Variants in EXOC4 observed in about 807,000 individuals in gnomAD.
The protein encoded by EXOC4 is exocyst complex component 4, also known as SEC8-like 1.
Under a neutral mutation model 107.2 loss-of-function variants are expected in EXOC4, and 71 were observed. The ratio of observed to expected loss-of-function variants is 0.66; its 90% CI spans 0.55 to 0.81. The LOEUF is 0.81. EXOC4 is among the 30% of genes least tolerant of loss of function. EXOC4 has a pLI of 0.00. For synonymous variants in EXOC4, 456 were observed against 441.2 expected (o/e 1.03, Z -0.42); for missense variants, 1,108 against 1,189.6 (o/e 0.93, Z 1.01).
chr7:133,833,859 C>T (rs1797863019), intron 11 of EXOC4, among the ~76,000 whole-genome samples: 1 of 152,190 alleles, frequency 6.6e-6, no homozygotes, highest in Non-Finnish European at 1.5e-5. Context: ...GTCACCGTAC[C>T]TGGCCCTTGC....
chr7:133,543,648 A>T (rs1800423964), intron 9 of EXOC4, among the ~76,000 whole-genome samples: 1 of 152,108 alleles, frequency 6.6e-6, no homozygotes, highest in African/African-American at 2.4e-5. Context: ...TTAATATTTT[A>T]GTGGCTTCTT....
intron 5 of EXOC4, among the ~76,000 whole-genome samples, chr7:133,352,181 C>T (rs1227948157): frequency 6.6e-6 from 1 of 151,758 alleles, no homozygotes; most frequent in East Asian, 1.9e-4. Context: ...CTGTATGTGT[C>T]TGTTAGATCT....
intron 10 of EXOC4, among the ~76,000 whole-genome samples, chr7:133,731,116 C>T (rs1211914523): frequency 1.3e-5 from 2 of 152,070 alleles, no homozygotes; most frequent in African/African-American, 4.8e-5. Flanking sequence ...ATGTTTTGCA[C>T]AATATTTCAA....
At chr7:133,991,380 T>G (rs1794256525) in intron 14 of EXOC4, among the ~76,000 whole-genome samples, 1 of 152,000 alleles carries the variant, frequency 6.6e-6, no homozygotes, top group Non-Finnish European at 1.5e-5. Flanking sequence ...TTGAAAATAA[T>G]TTGTTTCATT....
At chr7:133,278,190 A>AATAGATAACG (rs536976186) in intron 2 of EXOC4, among the ~76,000 whole-genome samples, 30 of 152,360 alleles carry the variant, frequency 2.0e-4, no homozygotes, top group Non-Finnish European at 3.8e-4. Context: ...AAAACGAACA[A>AATAGATAACG]ATAGATAACG....
chr7:133,589,810 C>G (rs1387822647), intron 9 of EXOC4, among the ~76,000 whole-genome samples: 1 of 152,156 alleles, frequency 6.6e-6, no homozygotes, highest in Non-Finnish European at 1.5e-5. Context: ...CTTCTGAAAA[C>G]AAGTCATCTA....
chr7:133,661,109 A>G (rs1200714712), intron 10 of EXOC4, among the ~76,000 whole-genome samples: 1 of 152,100 alleles, frequency 6.6e-6, no homozygotes, highest in Admixed American at 6.6e-5. Context: ...CATTTTCATG[A>G]TGCACTTGAG....
At chr7:133,973,460 T>C (rs1157350256) in intron 14 of EXOC4, among the ~76,000 whole-genome samples, 1 of 151,972 alleles carries the variant, frequency 6.6e-6, no homozygotes, top group East Asian at 1.9e-4. Context: ...GGCTATGAAG[T>C]GGAAGAAAAT....
chr7:133,314,899 A>G (rs1445035761), intron 4 of EXOC4: 1 of 152,244 alleles, frequency 6.6e-6, no homozygotes, highest in Non-Finnish European at 1.5e-5. Flanking sequence ...TTTACTCTGT[A>G]GCAGTACCAT....
At chr7:133,996,021 C>T (rs1794384405) in intron 14 of EXOC4, among the ~76,000 whole-genome samples, 1 of 152,088 alleles carries the variant, frequency 6.6e-6, no homozygotes, top group Admixed American at 6.6e-5. Flanking sequence ...GATGTTCATA[C>T]AGAAAAGCAA....
intron 13 of EXOC4, among the ~76,000 whole-genome samples, chr7:133,926,659 C>A (rs550042233): frequency 6.6e-6 from 1 of 152,018 alleles, no homozygotes; most frequent in East Asian, 1.9e-4. Context: ...AAATAATAAT[C>A]GTTGTTGAAG....
intron 7 of EXOC4, among the ~76,000 whole-genome samples, chr7:133,456,087 A>G (rs1798457122): frequency 6.6e-6 from 1 of 152,192 alleles, no homozygotes; most frequent in African/African-American, 2.4e-5. Flanking sequence ...CATGGAGGCT[A>G]TTTTGTAAAG....
At chr7:133,257,370 A>G (rs1165931682) in intron 1 of EXOC4, among the ~76,000 whole-genome samples, 1 of 149,000 alleles carries the variant, frequency 6.7e-6, no homozygotes, top group Non-Finnish European at 1.5e-5. Flanking sequence ...ACACACGCAC[A>G]CACACACACA....
At chr7:133,873,161 G>A (rs1418089860) in intron 11 of EXOC4, among the ~76,000 whole-genome samples, 1 of 152,186 alleles carries the variant, frequency 6.6e-6, no homozygotes, top group Non-Finnish European at 1.5e-5. Context: ...AATTTAGCCA[G>A]TTGTGGTGGT....
intron 17 of EXOC4, among the ~76,000 whole-genome samples, chr7:134,030,291 A>G (rs978207109): frequency 6.6e-6 from 1 of 152,248 alleles, no homozygotes; most frequent in Admixed American, 6.5e-5. Context: ...TTATAGCAGT[A>G]GGTAGTATTC....
intron 9 of EXOC4, among the ~76,000 whole-genome samples, chr7:133,495,478 A>G (rs951494540): frequency 3.9e-5 from 6 of 152,160 alleles, no homozygotes; most frequent in African/African-American, 9.7e-5. Context: ...ATTCCCATAT[A>G]ACTACCACCC....
At chr7:133,969,530 G>A (rs537749503) in intron 14 of EXOC4, among the ~76,000 whole-genome samples, 246 of 152,246 alleles carry the variant, frequency 1.6e-3, no homozygotes, top group African/African-American at 5.6e-3. Flanking sequence ...TTTCTGTGTG[G>A]ACGTCCTTTT....
In EXOC4 at chr7:133,498,580, G is replaced by A. The variant is rs368046561; in HGVS notation, c.1417+18442G>A. On this transcript the variant is annotated intron_variant, in intron 9 of 17. Transcript: ENST00000253861. ...AGCCTAGGCGACAGAGCGAGACTCC[G>A]TCTCAAAAACAAACAAACAAACAAA... 6.6e-5 allele frequency among the ~76,000 whole-genome samples: 10 copies of A among 152,116 alleles called. No individual in the cohort carries two copies. The East Asian group carries it at 1.4e-3, about 21-fold the overall frequency.
At chr7:133,961,099 G>A (rs1256219752) in intron 14 of EXOC4, among the ~76,000 whole-genome samples, 1 of 152,076 alleles carries the variant, frequency 6.6e-6, no homozygotes, top group Non-Finnish European at 1.5e-5. Context: ...GCTCTTAAAA[G>A]TGGAATAGGG....
Sources: allele counts gnomAD v4.1 joint callset (sites outside exome capture counted in the v4.1 genomes callset), GRCh38; gene constraint gnomAD v4.1.1; transcripts MANE v1.5; gene names NCBI Gene and HGNC (gene_info 2026-07-23, HGNC 2026-07-21).